The following PCDHA2 variants were observed in gnomAD, a reference collection of about 807,000 sequenced individuals.
The protein encoded by PCDHA2 is protocadherin alpha-2.
A neutral mutation model predicts 66.0 loss-of-function variants in PCDHA2; 58 were observed. The ratio of observed to expected loss-of-function variants is 0.88; its 90% confidence interval spans 0.71 to 1.09. The LOEUF is 1.09. Ranked by LOEUF, PCDHA2 falls within the 50% of genes least tolerant of loss-of-function variation. The probability of loss-of-function intolerance (pLI) is 0.00; values close to 1 mark genes in which losing one functional copy is unlikely to be tolerated. For missense variants in PCDHA2, 1,267 were observed against 1,242.3 expected (o/e 1.02, Z -0.30); for synonymous variants, 634 against 554.0 (o/e 1.14, Z -2.03).
chr5:140,836,356 C>T (rs2150258608), intron 1 of PCDHA2: 5 of 1,613,550 alleles, frequency 3.1e-6, no homozygotes, highest in South Asian at 2.2e-5. Context: ...GGGGAGCCCT[C>T]GCTGACAGCC....
chr5:141,010,158 G>A lies in PCDHA2; in HGVS notation c.*221G>A. 6.4e-7 allele frequency: 1 copy of A among 1,570,690 alleles called. No homozygotes were observed. Among genetic ancestry groups the A allele is most frequent in the Non-Finnish European group, 8.6e-7 (1 of 1,156,884 alleles). On this transcript the variant is annotated 3_prime_UTR_variant, in exon 4 of 4. Coordinates refer to ENST00000526136, the MANE Select transcript of PCDHA2 (RefSeq NM_018905.3). Reference sequence around the variant, plus strand: ...TAACTCTTTCTCTCCACTCTGGCTTGTTTTCAGAACCTAAAAAGCAGACCC... The same window carrying A: ...TAACTCTTTCTCTCCACTCTGGCTTATTTTCAGAACCTAAAAAGCAGACCC...
Position 141,009,711 on chromosome 5 carries a change from C to G in PCDHA2, c.2621C>G (p.Pro874Arg), listed in dbSNP as rs575518914. Reference sequence around the variant, plus strand: ...ACCTTTAAATACGGACCAGGCAACCCCAAACAATCCGGTCCCGGTGAGTTG... The same window carrying G: ...ACCTTTAAATACGGACCAGGCAACCGCAAACAATCCGGTCCCGGTGAGTTG... The part of the protein sequence containing the change: ...SWTFKYGPGN[P>R]KQSGPGELPD... Residue 874 changes from proline to arginine, a missense_variant, in exon 4 of 4, where the codon CCC (proline) becomes CGC (arginine). Transcript: ENST00000526136. The G allele has an allele frequency of 6.2e-6, 10 of 1,613,982 alleles. No homozygotes were observed. Among genetic ancestry groups the G allele is most frequent in the Non-Finnish European group, 8.5e-6 (10 of 1,180,036 alleles).
intron 3 of PCDHA2, among the ~76,000 whole-genome samples, chr5:140,993,020 C>G (rs2097537480): frequency 6.6e-6 from 1 of 152,192 alleles, no homozygotes; most frequent in African/African-American, 2.4e-5. Flanking sequence ...TCCAGCATCC[C>G]CTGTGGGCTC....
Position 140,848,364 on chromosome 5 carries a change from G to A in PCDHA2, c.2388+51012G>A, listed in dbSNP as rs2150409515. On this transcript the variant is annotated intron_variant, in intron 1 of 3. Transcript: ENST00000526136. ...AATACAGCCCTTTTCCCATGGGAAA[G>A]AGGCTCAATTCTTTTTCACTCTCTC... The A allele has an allele frequency of 1.5e-5, 16 of 1,077,594 alleles. 3 individuals carry two copies. In the Admixed American group the frequency reaches 2.3e-4, roughly 16 times the overall value. 66.8% of individuals were successfully genotyped at this position (1,077,594 alleles called of 1,614,324 possible). A position where few individuals can be genotyped will look rare whatever the true frequency, so the allele number is the denominator to read the frequency against.
intron 1 of PCDHA2, chr5:140,805,495 T>G: frequency 1.0e-6 from 1 of 990,528 alleles, no homozygotes; most frequent in South Asian, 4.7e-5. Flanking sequence ...GTAAAGCTAT[T>G]TTCACTAGAT....
intron 1 of PCDHA2, chr5:140,809,512 T>G: frequency 6.2e-7 from 1 of 1,614,186 alleles, no homozygotes; most frequent in Non-Finnish European, 8.5e-7. Flanking sequence ...TCAGCCCCAG[T>G]TTACCTGACT....
intron 3 of PCDHA2, among the ~76,000 whole-genome samples, chr5:141,000,361 GTCTCTC>G (rs148596731): frequency 0.13 from 3,495 of 26,124 alleles, 319 homozygotes; most frequent in Middle Eastern, 0.15. Context: ...GTCTCTCTCT[GTCTCTC>G]TCTCTCTCTC....
At chr5:140,974,652 C>T (rs1238427822) in intron 1 of PCDHA2, among the ~76,000 whole-genome samples, 2 of 152,078 alleles carry the variant, frequency 1.3e-5, no homozygotes, top group East Asian at 1.9e-4. Context: ...GCTGAGATTA[C>T]AGGCATGCGC....
Position 140,856,765 on chromosome 5 carries a change from T to C in PCDHA2, c.2388+59413T>C, listed in dbSNP as rs1554149084. On this transcript the variant is annotated intron_variant, in intron 1 of 3. Transcript: ENST00000526136. ...TGTTAGATGCCAATGATAACGCCCCTATCTTTGACAGACCGGTTTATGAAG... is the reference window on the plus strand; with the variant it reads ...TGTTAGATGCCAATGATAACGCCCCCATCTTTGACAGACCGGTTTATGAAG... The C allele has an allele frequency of 2.5e-6, 4 of 1,596,946 alleles. No homozygotes were observed. In the South Asian group the frequency reaches 4.4e-5, roughly 18 times the overall value.
intron 1 of PCDHA2, chr5:140,926,908 G>A: frequency 6.4e-7 from 1 of 1,560,434 alleles, no homozygotes; most frequent in South Asian, 1.2e-5. Context: ...GGGCTGTGGG[G>A]TGGCAGTTTT....
Position 140,796,458 on chromosome 5 carries a change from G to A in PCDHA2, c.1494G>A (p.Arg498=). ...ALVSYSLVER[R]VGERALSSYV... ...TGTCCTACTCGCTGGTGGAGCGGCG[G>A]GTGGGCGAGCGCGCGTTGTCGAGCT... Residue 498 remains arginine (R), a synonymous_variant, in exon 1 of 4, where the codon CGG becomes CGA. Transcript: ENST00000526136. 6.2e-7 allele frequency: 1 copy of A among 1,612,800 alleles called. No homozygotes were observed. The highest frequency in any genetic ancestry group is 8.5e-7 in the Non-Finnish European group (1 of 1,179,856).
Position 140,877,109 on chromosome 5 carries a change from G to A in PCDHA2, c.2388+79757G>A, listed in dbSNP as rs370191624. ...CGCGACGCCGGCGTGCCGCCTCTGG[G>A]CAGCAACGTGACGCTGCAGGTGTTC... is the stretch of plus-strand genomic sequence containing the variant. On this transcript the variant is annotated intron_variant, in intron 1 of 3. Transcript: ENST00000526136. The A allele has an allele frequency of 9.3e-6, 15 of 1,613,472 alleles. No individual in the cohort carries two copies. In the African/African-American group the frequency reaches 1.9e-4, roughly 20 times the overall value.
At chr5:140,884,665 A>G (rs1554181817) in intron 1 of PCDHA2, 9 of 1,578,032 alleles carry the variant, frequency 5.7e-6, no homozygotes, top group Non-Finnish European at 7.7e-6. Context: ...TGAAAGAGGT[A>G]AGCTTATATT....
rs1451679036 is a variant in PCDHA2, at chr5:140,876,215, A to C, written c.2388+78863A>C. On this transcript the variant is annotated intron_variant, in intron 1 of 3. Coordinates refer to ENST00000526136, the MANE Select transcript of PCDHA2 (RefSeq NM_018905.3). ...CCGGCGTTTGATAAGCCCAGCTATA[A>C]AGTAGTGTTGTCTGAAAATGTCCAA... The C allele has an allele frequency of 1.2e-6, 2 of 1,613,890 alleles. No homozygotes were observed. The highest frequency in any genetic ancestry group is 1.7e-6 in the Non-Finnish European group (2 of 1,179,898).
intron 3 of PCDHA2, among the ~76,000 whole-genome samples, chr5:140,986,987 G>A (rs1269328331): frequency 2.6e-5 from 4 of 152,114 alleles, no homozygotes; most frequent in Non-Finnish European, 4.4e-5. Flanking sequence ...GCCAAGGCAG[G>A]CAGATCACTT....
chr5:140,857,572 G>A lies in PCDHA2; in HGVS notation c.2388+60220G>A, dbSNP rs144978636. ...AGCGCTCGCTGTCGAGCTACGTGTCGGTGCACGCGGAGAGCGGCAAGGTGT... is the reference window on the plus strand; with the variant it reads ...AGCGCTCGCTGTCGAGCTACGTGTCAGTGCACGCGGAGAGCGGCAAGGTGT... On this transcript the variant is annotated intron_variant, in intron 1 of 3. Transcript: ENST00000526136. 1.4e-3 allele frequency: 2,186 copies of A among 1,596,706 alleles called. 111 individuals are homozygous for A. In the African/African-American group the frequency reaches 0.025, roughly 18 times the overall value.
At chr5:140,877,627 A>C (rs782765998) in intron 1 of PCDHA2, 1 of 1,613,614 alleles carries the variant, frequency 6.2e-7, no homozygotes, top group East Asian at 2.2e-5. Context: ...GCTGCTGTAC[A>C]CTGCGCTGCG....
At chr5:140,906,933 G>A (rs1214323970) in intron 1 of PCDHA2, among the ~76,000 whole-genome samples, 2 of 152,158 alleles carry the variant, frequency 1.3e-5, no homozygotes, top group African/African-American at 4.8e-5. Flanking sequence ...GTGTCCCGGT[G>A]TCAATCTTAA....
At chr5:140,998,130 A>C (rs1226238554) in intron 3 of PCDHA2, among the ~76,000 whole-genome samples, 1 of 152,206 alleles carries the variant, frequency 6.6e-6, no homozygotes, top group Non-Finnish European at 1.5e-5. Context: ...GAATCATAAT[A>C]GCTAACCTGT....
Sources: gnomAD v4.1 joint callset for allele counts (sites outside exome capture counted in the v4.1 genomes callset) on GRCh38, gnomAD v4.1.1 for gene constraint, MANE v1.5 for transcripts, NCBI Gene and HGNC (gene_info 2026-07-23, HGNC 2026-07-21) for gene names.